The following ANKH variants were observed in gnomAD, a reference collection of about 807,000 sequenced individuals.
ANKH encodes the protein mineralization regulator ANKH.
In ANKH, 15 loss-of-function variants were observed where a neutral mutation model predicts 49.0. The observed-to-expected ratio is 0.31, with a 90% CI of 0.20 to 0.47. ANKH has a LOEUF of 0.47. Among genes scored for constraint, ANKH ranks in the 20% least tolerant of loss-of-function variants. The pLI, the probability that ANKH is intolerant of heterozygous loss-of-function variation, is 1.00. For synonymous variants in ANKH, 273 were observed against 260.0 expected, an observed-to-expected ratio of 1.05 and a Z score of -0.48; for missense variants, 429 against 652.0, an observed-to-expected ratio of 0.66 and a Z score of 3.72.
At chr5:14,794,804 A>G (rs1740320528) in intron 1 of ANKH, among the ~76,000 whole-genome samples, 1 of 152,224 alleles carries the variant, frequency 6.6e-6, no homozygotes, top group Admixed American at 6.5e-5. Context: ...TGCTTCCTGA[A>G]TGATGTTAGG....
chr5:14,727,403 T>C (rs1269694952), intron 8 of ANKH, among the ~76,000 whole-genome samples: 2 of 151,752 alleles, frequency 1.3e-5, no homozygotes, highest in South Asian at 2.1e-4. Context: ...CCTTCTATCA[T>C]CTAGGTTTAA....
In ANKH at chr5:14,710,330, T is replaced by C. The variant is rs1462181496; in HGVS notation, c.*867A>G. ...CCATGTGACTCGCTCTAATGCGACC[T>C]TCAGGAAAGGCGAGGGAAAAGCAAG... On this transcript the variant is annotated 3_prime_UTR_variant, in exon 12 of 12. Coordinates refer to ENST00000284268, the MANE Select transcript of ANKH (RefSeq NM_054027.6). 6.6e-6 allele frequency: 1 copy of C among 152,220 alleles called. No homozygotes were observed. The highest frequency in any genetic ancestry group is 1.9e-4 in the East Asian group (1 of 5,204). 9.4% of individuals were successfully genotyped at this position (152,220 alleles called of 1,614,324 possible).
At chr5:14,808,004 T>A (rs1740757462) in intron 1 of ANKH, among the ~76,000 whole-genome samples, 1 of 152,274 alleles carries the variant, frequency 6.6e-6, no homozygotes, top group African/African-American at 2.4e-5. Context: ...GCTGGTCATT[T>A]ATGAAATTGT....
At chr5:14,804,677 G>A (rs1178924835) in intron 1 of ANKH, among the ~76,000 whole-genome samples, 3 of 152,190 alleles carry the variant, frequency 2.0e-5, no homozygotes, top group Non-Finnish European at 4.4e-5. Context: ...TCTAATTAAG[G>A]TATACTCTTG....
intron 9 of ANKH, among the ~76,000 whole-genome samples, chr5:14,716,089 A>G (rs931649094): frequency 6.6e-6 from 1 of 152,230 alleles, no homozygotes; most frequent in African/African-American, 2.4e-5. Flanking sequence ...ACATGAACAC[A>G]TTTGTGTTCC....
chr5:14,805,447 G>GTA (rs1237558347), intron 1 of ANKH, among the ~76,000 whole-genome samples: 6 of 87,670 alleles, frequency 6.8e-5, no homozygotes, highest in Admixed American at 2.7e-4. Flanking sequence ...ATGTGTGTGT[G>GTA]TATATATATA....
At chr5:14,838,912 C>T (rs562151389) in intron 1 of ANKH, among the ~76,000 whole-genome samples, 1 of 152,222 alleles carries the variant, frequency 6.6e-6, no homozygotes, top group South Asian at 2.1e-4. Flanking sequence ...GGAACCGACT[C>T]GCTATCCACG....
At chr5:14,793,007 A>AATAT (rs1554006420) in intron 1 of ANKH, among the ~76,000 whole-genome samples, 8 of 79,696 alleles carry the variant, frequency 1.0e-4, no homozygotes, top group South Asian at 3.7e-4. Flanking sequence ...TATATATATA[A>AATAT]ATATATATAT....
intron 1 of ANKH, among the ~76,000 whole-genome samples, chr5:14,783,034 G>A (rs1396681100): frequency 2.6e-5 from 4 of 152,090 alleles, no homozygotes; most frequent in Non-Finnish European, 2.9e-5. Flanking sequence ...TCTGCATGAG[G>A]GATCCGTTAG....
intron 1 of ANKH, among the ~76,000 whole-genome samples, chr5:14,845,948 C>A (rs1426330814): frequency 3.3e-5 from 5 of 150,710 alleles, no homozygotes; most frequent in Non-Finnish European, 7.4e-5. Flanking sequence ...CTCCATCTCC[C>A]AGGTTCAAGT....
intron 1 of ANKH, among the ~76,000 whole-genome samples, chr5:14,772,968 A>C (rs530462431): frequency 6.6e-6 from 1 of 152,330 alleles, no homozygotes; most frequent in East Asian, 1.9e-4. Context: ...CCCTGCCTCC[A>C]AGTGGGACCA....
chr5:14,760,631 G>A (rs1739044930), intron 2 of ANKH, among the ~76,000 whole-genome samples: 1 of 152,194 alleles, frequency 6.6e-6, no homozygotes, highest in Non-Finnish European at 1.5e-5. Context: ...CCACATTGCT[G>A]TCCCCACACC....
At chr5:14,849,176 T>C (rs186942931) in intron 1 of ANKH, among the ~76,000 whole-genome samples, 1 of 152,348 alleles carries the variant, frequency 6.6e-6, no homozygotes, top group East Asian at 1.9e-4. Context: ...GCTAAGGAAC[T>C]AGTACATACT....
chr5:14,742,523 T>C (rs1304949529), intron 7 of ANKH, among the ~76,000 whole-genome samples: 1 of 152,208 alleles, frequency 6.6e-6, no homozygotes, highest in East Asian at 1.9e-4. Flanking sequence ...TCCCTCTTTC[T>C]AAGGCCCATC....
At chr5:14,791,247 C>A (rs551528900) in intron 1 of ANKH, among the ~76,000 whole-genome samples, 2 of 152,118 alleles carry the variant, frequency 1.3e-5, no homozygotes, top group Non-Finnish European at 2.9e-5. Flanking sequence ...AGAACCTTAA[C>A]TCTGGGGTGG....
intron 1 of ANKH, among the ~76,000 whole-genome samples, chr5:14,801,854 T>C (rs1740574584): frequency 6.6e-6 from 1 of 152,186 alleles, no homozygotes; most frequent in Non-Finnish European, 1.5e-5. Flanking sequence ...TTTAGAACAT[T>C]ACAACCAACA....
At chr5:14,830,848 C>T (rs1741484870) in intron 1 of ANKH, among the ~76,000 whole-genome samples, 1 of 152,104 alleles carries the variant, frequency 6.6e-6, no homozygotes, top group Non-Finnish European at 1.5e-5. Context: ...CCAAAGGGCA[C>T]CAACGGTCCT....
chr5:14,870,589 G>A (rs111613869), intron 1 of ANKH: 6,584 of 152,788 alleles, frequency 0.043, 323 homozygotes, highest in African/African-American at 0.12. Context: ...CCCGCTGGTG[G>A]CCCTGCCAAA....
At position 14,725,639 on chromosome 5, in the gene ANKH, C is replaced by T. The variant is rs756381181; in HGVS notation, c.1012-8804G>A. ...TTCCTGGGACCGTATTCTAACAAAA[C>T]GCTAGCAGGGGAGTCCTCTGGAGGT... On this transcript the variant is annotated intron_variant, in intron 8 of 11. Coordinates refer to ENST00000284268, the MANE Select transcript of ANKH (RefSeq NM_054027.6). This position sits in a 1 kb window ranked among gnomAD's most constrained non-coding sequence, Gnocchi z 4.0. Among the ~76,000 whole-genome samples, 47 of 152,230 alleles carry T rather than the reference C, an allele frequency of 3.1e-4. 1 individual carries two copies. The highest frequency in any genetic ancestry group is 5.9e-4 in the Non-Finnish European group (40 of 68,040).
Sources: gnomAD v4.1 joint callset for allele counts (sites outside exome capture counted in the v4.1 genomes callset) on GRCh38, gnomAD v4.1.1 for gene constraint, Gnocchi (gnomAD v3.1) non-coding constraint, MANE v1.5 for transcripts, NCBI Gene and HGNC (gene_info 2026-07-23, HGNC 2026-07-21) for gene names.